HCN3: variants seen among roughly 807,000 people sequenced by gnomAD.
HCN3 encodes the protein potassium/sodium hyperpolarization-activated cyclic nucleotide-gated channel 3.
A neutral mutation model predicts 56.8 loss-of-function variants in HCN3; 36 were observed. The observed-to-expected ratio is 0.63, with a 90% CI of 0.49 to 0.84. The LOEUF (loss-of-function observed/expected upper bound fraction) is 0.84. Among genes scored for constraint, HCN3 ranks in the 40% least tolerant of loss-of-function variants. The pLI is 0.00. For missense variants in HCN3, 930 were observed against 1,079.3 expected (o/e 0.86, Z 1.94); for synonymous variants, 425 against 439.7 (o/e 0.97, Z 0.42).
rs906923119 is a variant in HCN3, at chr1:155,284,495, C to T, written c.871-44C>T. The T allele has an allele frequency of 5.8e-6, 9 of 1,563,872 alleles. No individual in the cohort carries two copies. Among genetic ancestry groups the T allele is most frequent in the Non-Finnish European group, 7.9e-6 (9 of 1,145,450 alleles). ...AAAGGGGCAGGCAGAGAATGAGGCT[C>T]CGAGGGGCCCATGCCCAGCTCTGCA... On this transcript the variant is annotated intron_variant, in intron 3 of 7. Coordinates refer to ENST00000368358, the MANE Select transcript of HCN3 (RefSeq NM_020897.3). This position sits in a 1 kb window ranked among gnomAD's most constrained non-coding sequence, Gnocchi z 4.3.
Position 155,277,573 on chromosome 1 carries a change from G to C in HCN3, c.-18G>C. 1 of 1,555,036 alleles carries C rather than the reference G, an allele frequency of 6.4e-7. No individual in the cohort carries two copies. On this transcript the variant is annotated 5_prime_UTR_variant, in exon 1 of 8. Transcript: ENST00000368358. ...CAGAGGGCTCTAGGAGGCCGAGCGT[G>C]TAAGCGGGGTGGGCGCCATGGAGGC...
chr1:155,284,624 C>A lies in HCN3; in HGVS notation c.956C>A (p.Pro319His). The change falls in exon 4 of 8, where the codon CCT becomes CAT. Residue 319 changes from proline (P) to histidine (H), a missense_variant. Physicochemically the swap from Pro to His is moderately conservative, Grantham distance 77. Transcript: ENST00000368358. The surrounding 1 kb of genome is among the most constrained non-coding windows in gnomAD (Gnocchi z 4.3). Reference sequence around the variant, plus strand: ...TGCATTGGCTATGGGCAGCAGGCACCTGTAGGCATGCCCGACGTCTGGCTC... The same window carrying A: ...TGCATTGGCTATGGGCAGCAGGCACATGTAGGCATGCCCGACGTCTGGCTC... ...MLCIGYGQQA[P>H]VGMPDVWLTM... 1 of 1,614,110 alleles carries A rather than the reference C, an allele frequency of 6.2e-7. No individual in the cohort carries two copies. Among genetic ancestry groups the A allele is most frequent in the East Asian group, 2.2e-5 (1 of 44,896 alleles).
Position 155,288,413 on chromosome 1 carries a change from G to A in HCN3, c.2275G>A (p.Val759Met). Reference sequence around the variant, plus strand: ...GACAGCCCAGCCCCCCAGGCCACCAGTGCCTGAGCCAGCCACACCCCGGGG... The same window carrying A: ...GACAGCCCAGCCCCCCAGGCCACCAATGCCTGAGCCAGCCACACCCCGGGG... The part of the protein sequence containing the change: ...PRTAQPPRPP[V>M]PEPATPRGLQ... The change falls in exon 8 of 8, where the codon GTG becomes ATG. Residue 759 changes from valine to methionine, a missense_variant. Coordinates refer to ENST00000368358, the MANE Select transcript of HCN3 (RefSeq NM_020897.3). This position sits in a 1 kb window ranked among gnomAD's most constrained non-coding sequence, Gnocchi z 6.5. 1 of 1,612,358 alleles carries A rather than the reference G, an allele frequency of 6.2e-7. No homozygotes were observed. Among genetic ancestry groups the A allele is most frequent in the Non-Finnish European group, 8.5e-7 (1 of 1,179,310 alleles).
rs780030695 is a variant in HCN3, at chr1:155,285,317, GC to G, written c.1236+7del. The G allele has an allele frequency of 3.2e-5, 51 of 1,613,634 alleles. No individual in the cohort carries two copies. The highest frequency in any genetic ancestry group is 4.1e-5 in the Non-Finnish European group (48 of 1,179,746). On this transcript the variant is annotated splice_region_variant and intron_variant, in intron 5 of 7. Coordinates refer to ENST00000368358, the MANE Select transcript of HCN3 (RefSeq NM_020897.3). The surrounding 1 kb of genome is among the most constrained non-coding windows in gnomAD (Gnocchi z 4.5). ...TGAGCGAGCCGCTTCGCGAGGTGGG[GC>G]TGGGTTGGGCCTGGAAGGGGGGCTC...
In HCN3 at chr1:155,287,945, TG is replaced by T. The variant is rs1480368659; in HGVS notation, c.1810del (p.Glu604SerfsTer13). 26 of 1,613,866 alleles carry T rather than the reference TG, an allele frequency of 1.6e-5. No homozygotes were observed. Among genetic ancestry groups the T allele is most frequent in the Non-Finnish European group, 2.2e-5 (26 of 1,180,020 alleles). ...GAQLSGKPVL[W>X]EPLVHAPLQA... Reference sequence around the variant, plus strand: ...TCAGCTTAGTGGAAAGCCAGTACTGTGGGAGCCACTGGTACATGCGCCCCTT... The same window carrying T: ...TCAGCTTAGTGGAAAGCCAGTACTGTGGAGCCACTGGTACATGCGCCCCTT... On this transcript the variant is annotated frameshift_variant, in exon 8 of 8. Coordinates refer to ENST00000368358, the MANE Select transcript of HCN3 (RefSeq NM_020897.3). LOFTEE classifies it high-confidence loss of function.
At position 155,285,939 on chromosome 1, in the gene HCN3, C is replaced by T; in HGVS notation, c.1452C>T (p.Arg484=). ...SVLARGARDT[R]LTDGSYFGEI... is the part of the protein sequence containing the mutation. Reference sequence around the variant, plus strand: ...TGGCCCGCGGCGCCCGGGACACACGCCTCACCGATGGATCCTACTTTGGGG... The same window carrying T: ...TGGCCCGCGGCGCCCGGGACACACGTCTCACCGATGGATCCTACTTTGGGG... Residue 484 remains arginine (R), a synonymous_variant, in exon 6 of 8, where the codon CGC becomes CGT. Transcript: ENST00000368358. This position sits in a 1 kb window ranked among gnomAD's most constrained non-coding sequence, Gnocchi z 4.5. 2 of 1,596,488 alleles carry T rather than the reference C, an allele frequency of 1.3e-6. No homozygotes were observed. Among genetic ancestry groups the T allele is most frequent in the Non-Finnish European group, 8.6e-7 (1 of 1,167,392 alleles).
At position 155,277,786 on chromosome 1, in the gene HCN3, G is replaced by T. The variant is rs777210946; in HGVS notation, c.196G>T (p.Gly66Cys). Reference sequence around the variant, plus strand: ...CAACAAGTTCTCCCTTCGGGTGTTCGGCAGCCACAAAGCAGTGGAAATCGA... The same window carrying T: ...CAACAAGTTCTCCCTTCGGGTGTTCTGCAGCCACAAAGCAGTGGAAATCGA... ...TVNKFSLRVFGSHKAVEIEQE... is the reference protein window; with the variant it reads ...TVNKFSLRVFCSHKAVEIEQE... Residue 66 changes from glycine (G) to cysteine (C), a missense_variant, in exon 1 of 8, where the codon GGC (glycine) becomes TGC (cysteine). Transcript: ENST00000368358. 3 of 1,611,816 alleles carry T rather than the reference G, an allele frequency of 1.9e-6. No individual in the cohort carries two copies. Among genetic ancestry groups the T allele is most frequent in the South Asian group, 2.2e-5 (2 of 90,774 alleles).
At position 155,284,532 on chromosome 1, in the gene HCN3, C is replaced by A; in HGVS notation, c.871-7C>A. On this transcript the variant is annotated splice_polypyrimidine_tract_variant and splice_region_variant and intron_variant, in intron 3 of 7. Coordinates refer to ENST00000368358, the MANE Select transcript of HCN3 (RefSeq NM_020897.3). The surrounding 1 kb of genome is among the most constrained non-coding windows in gnomAD (Gnocchi z 4.3). ...TGCCCAGCTCTGCAATATACTCTGC[C>A]CCTCAGAACCACTCGTGGGGCCGCC... is the stretch of plus-strand genomic sequence containing the variant. 1 of 1,609,436 alleles carries A rather than the reference C, an allele frequency of 6.2e-7. No homozygotes were observed. The highest frequency in any genetic ancestry group is 2.2e-4 in the Middle Eastern group (1 of 4,604).
chr1:155,278,986 G>T (rs550027637), intron 1 of HCN3, among the ~76,000 whole-genome samples: 1 of 151,922 alleles, frequency 6.6e-6, no homozygotes, highest in Admixed American at 6.6e-5. Context: ...TTCATGGCTA[G>T]GCGAACCCTC....
rs930079258 is a variant in HCN3 at position 155,283,956 on chromosome 1, C to A, written c.709-18C>A. The stretch of plus-strand genomic sequence containing the variant: ...GGAGGGGTTCCTGTCCACAGCAGCT[C>A]CTCCTCGGACTCCTCAGATCTTTCA... On this transcript the variant is annotated intron_variant, in intron 2 of 7. Coordinates refer to ENST00000368358, the MANE Select transcript of HCN3 (RefSeq NM_020897.3). 6.2e-7 allele frequency: 1 copy of A among 1,603,010 alleles called. No homozygotes were observed. The highest frequency in any genetic ancestry group is 8.5e-7 in the Non-Finnish European group (1 of 1,170,840).
intron 1 of HCN3, among the ~76,000 whole-genome samples, chr1:155,280,736 C>T (rs1275798907): frequency 2.9e-5 from 3 of 104,872 alleles, no homozygotes; most frequent in Non-Finnish European, 5.6e-5. Flanking sequence ...CCACGCCCAG[C>T]TATTTTTTTT....
Position 155,285,143 on chromosome 1 carries a change from TG to T in HCN3, c.1090-20del. ...ATCTCTCCCTCTGTCCTCTTGCCCC[TG>T]GCAATGGGCTGGCCCTCCAGTACAA... On this transcript the variant is annotated intron_variant, in intron 4 of 7. Transcript: ENST00000368358. This position sits in a 1 kb window ranked among gnomAD's most constrained non-coding sequence, Gnocchi z 4.5. The T allele has an allele frequency of 6.2e-7, 1 of 1,610,716 alleles. No individual in the cohort carries two copies. The highest frequency in any genetic ancestry group is 8.5e-7 in the Non-Finnish European group (1 of 1,177,490).
chr1:155,286,210 A>G (rs1488289597), intron 6 of HCN3, among the ~76,000 whole-genome samples: 1 of 152,006 alleles, frequency 6.6e-6, no homozygotes, highest in Non-Finnish European at 1.5e-5. Context: ...CAGTGGCGCA[A>G]TCTCGGCTCA....
In HCN3 at chr1:155,282,591, G is replaced by C; in HGVS notation, c.459G>C (p.Glu153Asp). 6.2e-7 allele frequency: 1 copy of C among 1,614,238 alleles called. No individual in the cohort carries two copies. The highest frequency in any genetic ancestry group is 8.5e-7 in the Non-Finnish European group (1 of 1,180,046). ...LNFRTGIVVE[E>D]GAEILLAPRA... ...TCCGAACGGGCATCGTGGTGGAGGA[G>C]GGTGCTGAGATCCTGCTGGCACCGC... The change falls in exon 2 of 8, where the codon GAG becomes GAC. Residue 153 changes from glutamate to aspartate, a missense_variant. Glu to Asp is a conservative substitution (Grantham distance 45). Coordinates refer to ENST00000368358, the MANE Select transcript of HCN3 (RefSeq NM_020897.3). The surrounding 1 kb of genome is among the most constrained non-coding windows in gnomAD (Gnocchi z 4.7).
chr1:155,279,886 T>C lies in HCN3; in HGVS notation c.278+2018T>C, dbSNP rs1022204540. Among the ~76,000 whole-genome samples, 5 of 152,148 alleles carry C rather than the reference T, an allele frequency of 3.3e-5. No individual in the cohort carries two copies. The East Asian group carries it at 7.7e-4, about 23-fold the overall frequency. On this transcript the variant is annotated intron_variant, in intron 1 of 7. Transcript: ENST00000368358. The stretch of plus-strand genomic sequence containing the variant: ...TTTAGCAATGGTGAGGTAAATGATA[T>C]ATAGTAGGGATATGTATGTAGATGG...
In HCN3 at chr1:155,282,795, G is replaced by A. The variant is rs752434822; in HGVS notation, c.663G>A (p.Leu221=). 1.9e-6 allele frequency: 3 copies of A among 1,611,834 alleles called. No individual in the cohort carries two copies. Among genetic ancestry groups the A allele is most frequent in the Admixed American group, 3.3e-5 (2 of 59,938 alleles). The change falls in exon 2 of 8, where the codon CTG becomes CTA. Residue 221 remains leucine (L), a synonymous_variant. Transcript: ENST00000368358. This position sits in a 1 kb window ranked among gnomAD's most constrained non-coding sequence, Gnocchi z 4.7. ...CCAAGATCCTAAGCCTGCTGAGGCT[G>A]CTCCGCCTCTCCCGCCTCATCCGCT... ...RFTKILSLLR[L]LRLSRLIRYI...
Position 155,282,882 on chromosome 1 carries a change from G to A in HCN3, c.708+42G>A, listed in dbSNP as rs1674125374. On this transcript the variant is annotated intron_variant, in intron 2 of 7. Transcript: ENST00000368358. The surrounding 1 kb of genome is among the most constrained non-coding windows in gnomAD (Gnocchi z 4.7). Reference sequence around the variant, plus strand: ...GCGGGCGGGGCAGTGGGTGGGGGATGTTGGGGGAGAAGGGGGCGGGGCGGC... The same window carrying A: ...GCGGGCGGGGCAGTGGGTGGGGGATATTGGGGGAGAAGGGGGCGGGGCGGC... The A allele has an allele frequency of 3.6e-6, 2 of 555,770 alleles. No individual in the cohort carries two copies. Among genetic ancestry groups the A allele is most frequent in the Non-Finnish European group, 6.0e-6 (2 of 335,654 alleles). 34.4% of individuals were successfully genotyped at this position (555,770 alleles called of 1,614,324 possible).
chr1:155,283,337 T>C (rs989344053), intron 2 of HCN3, among the ~76,000 whole-genome samples: 2 of 152,158 alleles, frequency 1.3e-5, no homozygotes, highest in East Asian at 1.9e-4. Context: ...AATTAATACA[T>C]GCAAATCACT....
intron 1 of HCN3, 144 bp downstream of exon 1, chr1:155,278,012 C>CA (rs1189518582): frequency 9.4e-7 from 1 of 1,063,992 alleles, no homozygotes; most frequent in Non-Finnish European, 1.3e-6. Context: ...TCACTTGCAC[C>CA]AGTCTAGCCT....
Sources: gnomAD v4.1 joint callset for allele counts (sites outside exome capture counted in the v4.1 genomes callset) on GRCh38, gnomAD v4.1.1 for gene constraint, Gnocchi (gnomAD v3.1) non-coding constraint, MANE v1.5 for transcripts, NCBI Gene and HGNC (gene_info 2026-07-23, HGNC 2026-07-21) for gene names.